TECTA: variants seen among roughly 807,000 people sequenced by gnomAD.
TECTA encodes tectorin alpha, also known as alpha-tectorin.
A neutral mutation model predicts 216.8 loss-of-function variants in TECTA; 128 were observed. The observed-to-expected ratio is 0.59, with a 90% CI of 0.51 to 0.68. The LOEUF (loss-of-function observed/expected upper bound fraction) is 0.68, where lower values mean the gene tolerates loss of function less well. TECTA is among the 30% of genes least tolerant of loss of function. The pLI is 0.00. For synonymous variants in TECTA, 1,089 were observed against 1,117.1 expected (o/e 0.97, Z 0.50); for missense variants, 2,551 against 2,786.2 (o/e 0.92, Z 1.90).
At chr11:121,182,923 C>A (rs559493365) in intron 20 of TECTA, among the ~76,000 whole-genome samples, 125 of 152,280 alleles carry the variant, frequency 8.2e-4, no homozygotes, top group Non-Finnish European at 4.4e-5. Context: ...TCTTCAGGCC[C>A]CCTGAAGGTG....
In TECTA at chr11:121,157,701, C is replaced by T. The variant is rs1426129521; in HGVS notation, c.4306-140C>T. 6 of 1,179,570 alleles carry T rather than the reference C, an allele frequency of 5.1e-6. No homozygotes were observed. In the East Asian group the frequency reaches 1.4e-4, roughly 28 times the overall value. 73.1% of individuals were successfully genotyped at this position (1,179,570 alleles called of 1,614,324 possible). ...TGGAGCATTTGAGTTGAGGCCGTTT[C>T]CCCACTGCTGCCTCCTACAAATTCC... On this transcript the variant is annotated intron_variant, in intron 13 of 23. Coordinates refer to ENST00000392793, the MANE Select transcript of TECTA (RefSeq NM_005422.4).
chr11:121,120,610 A>G (rs927777244), intron 7 of TECTA, among the ~76,000 whole-genome samples: 14 of 152,236 alleles, frequency 9.2e-5, no homozygotes, highest in Non-Finnish European at 2.9e-5. Flanking sequence ...CACTGTCTCC[A>G]TATGCTGGGA....
chr11:121,168,426 A>G (rs1947077608), intron 19 of TECTA: 1 of 833,570 alleles, frequency 1.2e-6, no homozygotes, highest in Non-Finnish European at 1.9e-6. Context: ...TGTGGTGGCT[A>G]CATGTGGCTG....
chr11:121,118,268 G>A, intron 6 of TECTA, 38 bp from the exon 7 acceptor site: 2 of 1,612,574 alleles, frequency 1.2e-6, no homozygotes, highest in East Asian at 2.2e-5. Context: ...GAGGGGAAAT[G>A]CTCAGTAAAT....
rs1237175793 is a variant in TECTA, at chr11:121,160,526, C to A, written c.4976+105C>A. 34 of 1,485,812 alleles carry A rather than the reference C, an allele frequency of 2.3e-5. No homozygotes were observed. The East Asian group carries it at 7.7e-4, about 34-fold the overall frequency. The allele number at this position is 1,485,812 out of a possible 1,614,324, so 92.0% of individuals were successfully genotyped here. ...CCTTTTCCTTAGCACTGCCCCTGCTCTCCTACAGAGACGAGCCAAAGCTCT... is the reference window on the plus strand; with the variant it reads ...CCTTTTCCTTAGCACTGCCCCTGCTATCCTACAGAGACGAGCCAAAGCTCT... On this transcript the variant is annotated intron_variant, in intron 15 of 23. Coordinates refer to ENST00000392793, the MANE Select transcript of TECTA (RefSeq NM_005422.4).
Position 121,181,530 on chromosome 11 carries a change from C to T in TECTA, c.6000-6302C>T, listed in dbSNP as rs144025750. 3.5e-3 allele frequency among the ~76,000 whole-genome samples: 528 copies of T among 151,872 alleles called. 1 individual carries two copies. The highest frequency in any genetic ancestry group is 5.8e-3 in the Non-Finnish European group (395 of 67,960). On this transcript the variant is annotated intron_variant, in intron 20 of 23. Transcript: ENST00000392793. ...TGTTGCCCATGCTGGAGTGCAATGG[C>T]GCAATCTCAGTTCACCACAACCTCT...
At chr11:121,162,453 G>A in intron 16 of TECTA, 83 bp downstream of exon 16, 1 of 1,478,028 alleles carries the variant, frequency 6.8e-7, no homozygotes, top group Non-Finnish European at 9.2e-7. Flanking sequence ...TTCTAGGGAT[G>A]ACTGGTCCTC....
In TECTA at chr11:121,152,223, G is replaced by A. The variant is rs142666518; in HGVS notation, c.4106-658G>A. On this transcript the variant is annotated intron_variant, in intron 12 of 23. Coordinates refer to ENST00000392793, the MANE Select transcript of TECTA (RefSeq NM_005422.4). ...AATCAGTTTGCACAGACATGTGCAC[G>A]TGCACACACCCATGCATGCCAGCAC... Among the ~76,000 whole-genome samples, 1,335 of 152,328 alleles carry A rather than the reference G, an allele frequency of 8.8e-3. 25 individuals are homozygous for A. Among genetic ancestry groups the A allele is most frequent in the African/African-American group, 0.03 (1,262 of 41,578 alleles).
chr11:121,106,301 A>G (rs1266269944), intron 3 of TECTA, among the ~76,000 whole-genome samples: 2 of 152,196 alleles, frequency 1.3e-5, no homozygotes, highest in Non-Finnish European at 2.9e-5. Context: ...AGTAGGAGCA[A>G]TATCATTTTT....
rs1353134546 is a variant in TECTA at position 121,181,564 on chromosome 11, G to A, written c.6000-6268G>A. Among the ~76,000 whole-genome samples the A allele has an allele frequency of 3.3e-5, 5 of 152,008 alleles. No homozygotes were observed. The South Asian group carries it at 1.0e-3, about 31-fold the overall frequency. ...AGTTCACCACAACCTCTGCCTCCCG[G>A]GTTCAAGTGATTCTCCTGCCTCAGC... is the stretch of plus-strand genomic sequence containing the variant. On this transcript the variant is annotated intron_variant, in intron 20 of 23. Coordinates refer to ENST00000392793, the MANE Select transcript of TECTA (RefSeq NM_005422.4).
intron 10 of TECTA, among the ~76,000 whole-genome samples, chr11:121,135,962 C>CT (rs5795262): frequency 0.46 from 67,796 of 147,774 alleles, 16,000 homozygotes; most frequent in African/African-American, 0.59. Flanking sequence ...ATTTTATGTG[C>CT]TTTTTTTTTT....
chr11:121,188,095 C>T, intron 21 of TECTA, 101 bp downstream of exon 21: 1 of 1,296,682 alleles, frequency 7.7e-7, no homozygotes, highest in Admixed American at 1.7e-5. Flanking sequence ...CTGGAATCAT[C>T]CATAGATGCT....
rs537578074 is a variant in TECTA, at chr11:121,173,113, C to T, written c.5999+4188C>T. Among the ~76,000 whole-genome samples, 11 of 152,236 alleles carry T rather than the reference C, an allele frequency of 7.2e-5. No homozygotes were observed. The South Asian group carries it at 2.3e-3, about 32-fold the overall frequency. ...AGCCCTTTGTCAGATGAGTAGGTTC[C>T]AAAAATTTTCTCCCATTTTGCAGGT... On this transcript the variant is annotated intron_variant, in intron 20 of 23. Coordinates refer to ENST00000392793, the MANE Select transcript of TECTA (RefSeq NM_005422.4).
intron 3 of TECTA, 65 bp from the exon 4 acceptor site, chr11:121,109,146 G>C (rs1352967903): frequency 6.4e-7 from 1 of 1,570,614 alleles, no homozygotes; most frequent in African/African-American, 1.3e-5. Context: ...TGTCTGTCTT[G>C]GTTTGTGACT....
rs1261227268 is a variant in TECTA at position 121,157,963 on chromosome 11, G to A, written c.4428G>A (p.Val1476=). The change falls in exon 14 of 24, where the codon GTG becomes GTA. Residue 1476 remains valine (V), a synonymous_variant. Coordinates refer to ENST00000392793, the MANE Select transcript of TECTA (RefSeq NM_005422.4). ...SDEECALRNG[V]RGCFSTKTSY... is the part of the protein sequence containing the mutation. ...AGGAGTGTGCGCTGCGCAACGGGGTGCGCGGCTGCTTCAGCACCAAGACCT... is the reference window on the plus strand; with the variant it reads ...AGGAGTGTGCGCTGCGCAACGGGGTACGCGGCTGCTTCAGCACCAAGACCT... 1.1e-5 allele frequency: 17 copies of A among 1,613,580 alleles called. No homozygotes were observed. Among genetic ancestry groups the A allele is most frequent in the Admixed American group, 3.3e-5 (2 of 60,002 alleles).
At chr11:121,167,932 A>C (rs1947071203) in intron 18 of TECTA, 122 bp from the exon 19 acceptor site, 1 of 1,125,326 alleles carries the variant, frequency 8.9e-7, no homozygotes, top group Non-Finnish European at 1.3e-6. Context: ...GCTGATTTAT[A>C]CTGGCCTCTA....
intron 20 of TECTA, among the ~76,000 whole-genome samples, chr11:121,181,184 C>G (rs1055918505): frequency 4.6e-5 from 7 of 152,048 alleles, no homozygotes; most frequent in Admixed American, 3.9e-4. Flanking sequence ...ATTCTTTATT[C>G]TGTTTGATCT....
intron 17 of TECTA, among the ~76,000 whole-genome samples, chr11:121,166,346 AC>A (rs1565535514): frequency 1.3e-5 from 2 of 152,196 alleles, no homozygotes; most frequent in Non-Finnish European, 2.9e-5. Flanking sequence ...GACAGAAGAC[AC>A]TTTATTAGCA....
chr11:121,180,984 A>AGT (rs1947222633), intron 20 of TECTA, among the ~76,000 whole-genome samples: 1 of 151,828 alleles, frequency 6.6e-6, no homozygotes, highest in Non-Finnish European at 1.5e-5. Context: ...TGGCTAACAC[A>AGT]GTGAAACCCT....
Sources: allele counts gnomAD v4.1 joint callset (sites outside exome capture counted in the v4.1 genomes callset), GRCh38; gene constraint gnomAD v4.1.1; transcripts MANE v1.5; gene names NCBI Gene and HGNC (gene_info 2026-07-23, HGNC 2026-07-21).